AMPH: variants seen among roughly 807,000 people sequenced by gnomAD.
The protein encoded by AMPH is amphiphysin.
AMPH carries 49 observed loss-of-function variants against 99.1 expected under a neutral mutation model. The observed-to-expected ratio is 0.49, with a 90% CI of 0.39 to 0.63. The LOEUF (loss-of-function observed/expected upper bound fraction) is 0.63, where lower values mean the gene tolerates loss of function less well. AMPH is among the 20% of genes least tolerant of loss of function. The pLI, the probability that AMPH is intolerant of heterozygous loss-of-function variation, is 0.00. For synonymous variants in AMPH, 314 were observed against 317.3 expected, an observed-to-expected ratio of 0.99 and a Z score of 0.11; for missense variants, 759 against 863.4, an observed-to-expected ratio of 0.88 and a Z score of 1.52.
chr7:38,455,167 C>T (rs1350064802), intron 11 of AMPH, among the ~76,000 whole-genome samples: 1 of 152,032 alleles, frequency 6.6e-6, no homozygotes, highest in Non-Finnish European at 1.5e-5. Flanking sequence ...GCAACCTCCG[C>T]CTCCCACCTC....
At chr7:38,595,599 G>C (rs770482077) in intron 1 of AMPH, among the ~76,000 whole-genome samples, 80 of 152,126 alleles carry the variant, frequency 5.3e-4, no homozygotes, top group Non-Finnish European at 8.2e-4. Context: ...AGATTCAGGG[G>C]TTACATGTAC....
At chr7:38,398,617 G>C (rs117539513) in intron 17 of AMPH, among the ~76,000 whole-genome samples, 2,081 of 152,158 alleles carry the variant, frequency 0.014, 13 homozygotes, top group Non-Finnish European at 0.022. Context: ...ATAAGACCTA[G>C]TATTTCATAA....
At chr7:38,443,184 T>C (rs1032962730) in intron 11 of AMPH, among the ~76,000 whole-genome samples, 4 of 151,668 alleles carry the variant, frequency 2.6e-5, no homozygotes, top group Admixed American at 6.6e-5. Context: ...TCAAGAAAAA[T>C]AGATACCCTG....
chr7:38,435,356 T>G lies in AMPH; in HGVS notation c.1134+916A>C, dbSNP rs543920241. Among the ~76,000 whole-genome samples the G allele has an allele frequency of 7.2e-5, 11 of 152,340 alleles. No individual in the cohort carries two copies. The East Asian group carries it at 9.6e-4, about 13-fold the overall frequency. ...TATTCCCTAGCAGTTTACTGTGATA[T>G]ACCAAGAAGGCTTCAAGGCCAGGGA... On this transcript the variant is annotated intron_variant, in intron 12 of 20. Transcript: ENST00000356264.
intron 17 of AMPH, among the ~76,000 whole-genome samples, chr7:38,410,796 T>C (rs368443281): frequency 1.3e-5 from 2 of 152,314 alleles, no homozygotes; most frequent in Admixed American, 6.5e-5. Context: ...AAATTTGCTT[T>C]GCCGCCAAAG....
chr7:38,488,587 T>A (rs1259760682), intron 5 of AMPH, among the ~76,000 whole-genome samples: 1 of 151,920 alleles, frequency 6.6e-6, no homozygotes, highest in Non-Finnish European at 1.5e-5. Context: ...CGTTGATGGG[T>A]GCGGCAAACC....
chr7:38,538,998 T>TA (rs1325390028), intron 1 of AMPH, among the ~76,000 whole-genome samples: 1 of 152,106 alleles, frequency 6.6e-6, no homozygotes, highest in Non-Finnish European at 1.5e-5. Flanking sequence ...TACTAGAGTG[T>TA]ATAAGAAAGC....
intron 2 of AMPH, among the ~76,000 whole-genome samples, chr7:38,504,532 A>G (rs1789256728): frequency 6.6e-6 from 1 of 152,176 alleles, no homozygotes; most frequent in South Asian, 2.1e-4. Flanking sequence ...CAAGCAAGTT[A>G]CCACTGTGGG....
intron 12 of AMPH, among the ~76,000 whole-genome samples, 182 bp from the exon 13 acceptor site, chr7:38,432,394 C>T (rs1194869211): frequency 6.6e-6 from 1 of 152,066 alleles, no homozygotes. Context: ...ATGGTAGCCA[C>T]CAGTCACATG....
At chr7:38,459,754 T>C (rs1787369128) in intron 11 of AMPH, among the ~76,000 whole-genome samples, 1 of 151,858 alleles carries the variant, frequency 6.6e-6, no homozygotes, top group Non-Finnish European at 1.5e-5. Context: ...GAAAAGGACA[T>C]AGGGAAACAC....
intron 17 of AMPH, among the ~76,000 whole-genome samples, chr7:38,404,013 G>T (rs1180974136): frequency 6.6e-6 from 1 of 152,192 alleles, no homozygotes; most frequent in Non-Finnish European, 1.5e-5. Flanking sequence ...TCACAGAGCT[G>T]TCTGCTCTGG....
At chr7:38,433,042 C>G (rs1786099130) in intron 12 of AMPH, among the ~76,000 whole-genome samples, 1 of 152,210 alleles carries the variant, frequency 6.6e-6, no homozygotes, top group African/African-American at 2.4e-5. Flanking sequence ...ATGCCCATGT[C>G]TTTGTGACTA....
chr7:38,405,701 C>G (rs541435624), intron 17 of AMPH, among the ~76,000 whole-genome samples: 48 of 151,992 alleles, frequency 3.2e-4, no homozygotes, highest in African/African-American at 1.2e-3. Context: ...CATCCAACAC[C>G]AGAGCACCCA....
At chr7:38,407,267 C>G (rs1270977995) in intron 17 of AMPH, among the ~76,000 whole-genome samples, 4 of 142,070 alleles carry the variant, frequency 2.8e-5, no homozygotes, top group African/African-American at 1.0e-4. Context: ...ATCTATCTAT[C>G]TAGCTAGCTA....
intron 1 of AMPH, among the ~76,000 whole-genome samples, chr7:38,536,451 T>A (rs896554649): frequency 6.6e-6 from 1 of 152,320 alleles, no homozygotes; most frequent in East Asian, 1.9e-4. Context: ...GCAGATTTCT[T>A]CAAGAGGTCA....
rs536123188 is a variant in AMPH, at chr7:38,568,156, T to C, written c.70-33145A>G. 2.6e-5 allele frequency among the ~76,000 whole-genome samples: 4 copies of C among 152,182 alleles called. No individual in the cohort carries two copies. In the South Asian group the frequency reaches 8.3e-4, roughly 31 times the overall value. On this transcript the variant is annotated intron_variant, in intron 1 of 20. Transcript: ENST00000356264. ...TTACTGTTGGGGTATTACGTGCAAA[T>C]TCAAATTAAGCCAATTTAGGTACAC...
chr7:38,539,907 GAC>G (rs1790749439), intron 1 of AMPH, among the ~76,000 whole-genome samples: 1 of 152,204 alleles, frequency 6.6e-6, no homozygotes, highest in Non-Finnish European at 1.5e-5. Context: ...AGACACCAAA[GAC>G]AGTGAAACCT....
chr7:38,549,787 AC>A, intron 1 of AMPH, among the ~76,000 whole-genome samples: 1 of 152,120 alleles, frequency 6.6e-6, no homozygotes, highest in African/African-American at 2.4e-5. Context: ...CTAAGACAAA[AC>A]CTCTCTCTAT....
intron 1 of AMPH, among the ~76,000 whole-genome samples, chr7:38,622,023 G>A (rs1794087819): frequency 6.6e-6 from 1 of 152,166 alleles, no homozygotes; most frequent in South Asian, 2.1e-4. Flanking sequence ...AATTTTGCAT[G>A]ATGCTGTATA....
Sources: allele counts gnomAD v4.1 joint callset (sites outside exome capture counted in the v4.1 genomes callset), GRCh38; gene constraint gnomAD v4.1.1; transcripts MANE v1.5; gene names NCBI Gene and HGNC (gene_info 2026-07-23, HGNC 2026-07-21).